The following GTF3C1 variants were observed in gnomAD, a reference collection of about 807,000 sequenced individuals.
The protein encoded by GTF3C1 is general transcription factor IIIC subunit 1.
GTF3C1 carries 57 observed loss-of-function variants against 226.7 expected under a neutral mutation model. That is an observed-to-expected ratio of 0.25 (90% confidence interval 0.20 to 0.31). GTF3C1 has a LOEUF of 0.31. Among genes scored for constraint, GTF3C1 ranks in the 10% least tolerant of loss-of-function variants. GTF3C1 has a pLI of 1.00. For missense variants in GTF3C1, 2,217 were observed against 2,776.1 expected, an observed-to-expected ratio of 0.80 and a Z score of 4.53; for synonymous variants, 1,090 against 1,084.8, an observed-to-expected ratio of 1.00 and a Z score of -0.09.
At chr16:27,489,580 C>G (rs200144055) in intron 20 of GTF3C1, 22 bp downstream of exon 20, 8 of 1,586,516 alleles carry the variant, frequency 5.0e-6, no homozygotes. Context: ...CCTGGCCGGC[C>G]GCGCTTGGGA....
chr16:27,463,082 G>A lies in GTF3C1; in HGVS notation c.5924+459C>T. On this transcript the variant is annotated intron_variant, in intron 35 of 36. Transcript: ENST00000356183. The surrounding 1 kb of genome is among the most constrained non-coding windows in gnomAD (Gnocchi z 4.9). ...CTTGGGCCCTGCCAATCTGGGGTCA[G>A]CACACACACTCATGGGAGGCGCCCC... The A allele has an allele frequency of 5.3e-6, 1 of 187,472 alleles. No individual in the cohort carries two copies. Among genetic ancestry groups the A allele is most frequent in the Non-Finnish European group, 1.1e-5 (1 of 91,660 alleles). The allele number at this position is 187,472 out of a possible 1,614,324, so 11.6% of individuals were successfully genotyped here. A position where few individuals can be genotyped will look rare whatever the true frequency, so the allele number is the denominator to read the frequency against.
intron 5 of GTF3C1, among the ~76,000 whole-genome samples, chr16:27,531,008 G>A (rs1049733276): frequency 5.3e-5 from 8 of 151,902 alleles, no homozygotes; most frequent in Admixed American, 1.3e-4. Flanking sequence ...CCACAACCTC[G>A]CCACCTTCTT....
At chr16:27,544,801 A>C (rs937173149) in intron 2 of GTF3C1, among the ~76,000 whole-genome samples, 2 of 152,164 alleles carry the variant, frequency 1.3e-5, no homozygotes, top group Non-Finnish European at 1.5e-5. Context: ...GACTGTGAGC[A>C]CAAAGGAAAG....
intron 2 of GTF3C1, 54 bp downstream of exon 2, chr16:27,545,259 GA>G: frequency 7.8e-7 from 1 of 1,276,336 alleles, no homozygotes; most frequent in East Asian, 2.3e-5. Flanking sequence ...TTACAGGCGT[GA>G]GCCACCGTAC....
In GTF3C1 at chr16:27,461,520, T is replaced by C. The variant is rs1195769398; in HGVS notation, c.6160A>G (p.Lys2054Glu). The stretch of plus-strand genomic sequence containing the variant: ...GAGAAGAGCGAGACAGGCCTTGGCT[T>C]TCTCAGCCAGCGCTTCCGGATGCAG... The part of the protein sequence containing the change: ...LGCIRKRWLR[K>E]PRPVSLFSTP... Residue 2054 changes from lysine to glutamate, a missense_variant, in exon 37 of 37, where the codon AAG becomes GAG. Around this residue, in one of 12 missense-constraint regions of GTF3C1, gnomAD observed 153 missense variants for 199.8 expected, o/e 0.77. Coordinates refer to ENST00000356183, the MANE Select transcript of GTF3C1 (RefSeq NM_001520.4). The surrounding 1 kb of genome is among the most constrained non-coding windows in gnomAD (Gnocchi z 5.3). 2 of 1,613,884 alleles carry C rather than the reference T, an allele frequency of 1.2e-6. No homozygotes were observed. Among genetic ancestry groups the C allele is most frequent in the Non-Finnish European group, 1.7e-6 (2 of 1,179,956 alleles).
rs2087703497 is a variant in GTF3C1, at chr16:27,461,462, G to A, written c.6218C>T (p.Ser2073Phe). The change falls in exon 37 of 37, where the codon TCC (serine) becomes TTC (phenylalanine). Residue 2073 changes from serine (S) to phenylalanine (F), a missense_variant. By Grantham distance (155) the Ser-to-Phe change is radical. Around this residue, in one of 12 missense-constraint regions of GTF3C1, gnomAD observed 153 missense variants for 199.8 expected, o/e 0.77. Coordinates refer to ENST00000356183, the MANE Select transcript of GTF3C1 (RefSeq NM_001520.4). This position sits in a 1 kb window ranked among gnomAD's most constrained non-coding sequence, Gnocchi z 5.3. The part of the protein sequence containing the change: ...TPVVEEVEVP[S>F]SLDESPMAFY... The stretch of plus-strand genomic sequence containing the variant: ...AGCCATGGGGCTCTCGTCCAGGCTG[G>A]AGGGCACTTCCACCTCTTCCACCAC... The A allele has an allele frequency of 2.5e-6, 4 of 1,613,846 alleles. No homozygotes were observed. The highest frequency in any genetic ancestry group is 1.1e-5 in the South Asian group (1 of 91,086).
intron 14 of GTF3C1, among the ~76,000 whole-genome samples, chr16:27,497,142 G>A (rs1042949702): frequency 5.9e-5 from 9 of 152,180 alleles, no homozygotes; most frequent in Non-Finnish European, 1.0e-4. Flanking sequence ...GAGAGGAGCT[G>A]AGCATCCTGA....
intron 2 of GTF3C1, among the ~76,000 whole-genome samples, chr16:27,541,512 G>C (rs2089082504): frequency 6.6e-6 from 1 of 152,170 alleles, no homozygotes. Context: ...CCCTGCCTTT[G>C]AGCAACGTAT....
chr16:27,548,128 T>C (rs2089189841), intron 1 of GTF3C1, among the ~76,000 whole-genome samples: 1 of 152,334 alleles, frequency 6.6e-6, no homozygotes, highest in Non-Finnish European at 1.5e-5. Context: ...TTAAGGATCT[T>C]AGCACAGTCC....
At chr16:27,494,381 A>G (rs1386105581) in intron 16 of GTF3C1, among the ~76,000 whole-genome samples, 3 of 151,106 alleles carry the variant, frequency 2.0e-5, no homozygotes, top group Non-Finnish European at 4.4e-5. Flanking sequence ...AGCCTAGACG[A>G]CAGAGCAAGA....
At chr16:27,472,029 G>T in intron 29 of GTF3C1, 109 bp from the exon 30 acceptor site, 1 of 905,178 alleles carries the variant, frequency 1.1e-6, no homozygotes, top group Non-Finnish European at 1.7e-6. Flanking sequence ...GGAAGTGACC[G>T]ATCGTGGGAG....
Position 27,489,594 on chromosome 16 carries a change from A to C in GTF3C1, c.3293+8T>G. On this transcript the variant is annotated splice_region_variant and intron_variant, in intron 20 of 36. Transcript: ENST00000356183. ...TCCTGGCCGGCCGCGCTTGGGACGG[A>C]CACGCACGTGGTGTACTCCAGCATG... 6.2e-7 allele frequency: 1 copy of C among 1,601,334 alleles called. No individual in the cohort carries two copies.
chr16:27,515,496 TC>T (rs1317902392), intron 6 of GTF3C1, among the ~76,000 whole-genome samples: 1 of 151,320 alleles, frequency 6.6e-6, no homozygotes, highest in Non-Finnish European at 1.5e-5. Flanking sequence ...ACCCTTCTTC[TC>T]CCCACCAAGT....
intron 23 of GTF3C1, among the ~76,000 whole-genome samples, chr16:27,487,585 G>C (rs2088161628): frequency 6.6e-6 from 1 of 152,322 alleles, no homozygotes; most frequent in South Asian, 2.1e-4. Context: ...CTTGAGGTCA[G>C]GAGTTCCAGA....
At chr16:27,515,999 A>G (rs2088652710) in intron 6 of GTF3C1, among the ~76,000 whole-genome samples, 1 of 152,234 alleles carries the variant, frequency 6.6e-6, no homozygotes, top group South Asian at 2.1e-4. Flanking sequence ...TGGCAGAGCT[A>G]GGATGTCAGT....
At chr16:27,524,984 T>A (rs574897446) in intron 6 of GTF3C1, among the ~76,000 whole-genome samples, 1 of 151,966 alleles carries the variant, frequency 6.6e-6, no homozygotes, top group African/African-American at 2.4e-5. Context: ...TAAAACCCCA[T>A]CTCTACTAAA....
At chr16:27,542,172 G>A (rs1384551911) in intron 2 of GTF3C1, among the ~76,000 whole-genome samples, 3 of 152,276 alleles carry the variant, frequency 2.0e-5, no homozygotes, top group South Asian at 2.1e-4. Flanking sequence ...GTACAGCCAC[G>A]TGCATGAGAG....
At chr16:27,479,263 T>C (rs1455059829) in intron 27 of GTF3C1, among the ~76,000 whole-genome samples, 1 of 152,106 alleles carries the variant, frequency 6.6e-6, no homozygotes, top group East Asian at 1.9e-4. Flanking sequence ...CAAAGAAATA[T>C]GAAAATCCCC....
In GTF3C1 at chr16:27,549,882, C is replaced by G. The variant is rs748982012; in HGVS notation, c.9G>C (p.Ala3=). 2 of 1,611,178 alleles carry G rather than the reference C, an allele frequency of 1.2e-6. No homozygotes were observed. The highest frequency in any genetic ancestry group is 1.1e-5 in the South Asian group (1 of 91,028). Residue 3 remains alanine, a synonymous_variant, in exon 1 of 37, where the codon GCG becomes GCC. Transcript: ENST00000356183. Reference sequence around the variant, plus strand: ...CGACTTCGTCCAACAACGACTCCAGCGCGTCCATTGCTACTTCAGTCGGCG... The same window carrying G: ...CGACTTCGTCCAACAACGACTCCAGGGCGTCCATTGCTACTTCAGTCGGCG... MD[A]LESLLDEVAL...
Sources: gnomAD v4.1 joint callset for allele counts (sites outside exome capture counted in the v4.1 genomes callset) on GRCh38, gnomAD v4.1.1 for gene constraint, gnomAD v4.1.1 regional missense constraint, Gnocchi (gnomAD v3.1) non-coding constraint, MANE v1.5 for transcripts, NCBI Gene and HGNC (gene_info 2026-07-23, HGNC 2026-07-21) for gene names.